VSTM4: variants seen among roughly 807,000 people sequenced by gnomAD.
VSTM4 encodes V-set and transmembrane domain containing 4, also known as V-set and transmembrane domain-containing protein 4.
Under a neutral mutation model 36.4 loss-of-function variants are expected in VSTM4, and 20 were observed. The ratio of observed to expected loss-of-function variants is 0.55; its 90% CI spans 0.39 to 0.80. The LOEUF (loss-of-function observed/expected upper bound fraction) is 0.80. Among genes scored for constraint, VSTM4 ranks in the 30% least tolerant of loss-of-function variants. The probability of loss-of-function intolerance (pLI) is 0.00; values close to 1 mark genes in which losing one functional copy is unlikely to be tolerated. For missense variants in VSTM4, 392 were observed against 404.5 expected (o/e 0.97, Z 0.26); for synonymous variants, 182 against 173.9 (o/e 1.05, Z -0.37).
chr10:49,113,412 A>G, intron 1 of VSTM4, among the ~76,000 whole-genome samples: 1 of 152,190 alleles, frequency 6.6e-6, no homozygotes, highest in Admixed American at 6.5e-5. Context: ...GATAGAGGCT[A>G]ATACCTGCCG....
intron 4 of VSTM4, among the ~76,000 whole-genome samples, chr10:49,070,643 T>C (rs533127368): frequency 3.3e-5 from 5 of 152,342 alleles, no homozygotes; most frequent in African/African-American, 4.8e-5. Context: ...GGAACCTTCA[T>C]TCCAATGTTA....
intron 7 of VSTM4, among the ~76,000 whole-genome samples, chr10:49,039,877 T>A (rs893397239): frequency 6.6e-6 from 1 of 152,236 alleles, no homozygotes; most frequent in African/African-American, 2.4e-5. Context: ...AATCAATAAC[T>A]GACAGAAAGC....
chr10:49,069,469 T>C (rs1289806944), intron 4 of VSTM4, among the ~76,000 whole-genome samples: 2 of 152,164 alleles, frequency 1.3e-5, no homozygotes, highest in African/African-American at 4.8e-5. Context: ...TCTCCCCATC[T>C]CCTGCAGCCC....
chr10:49,048,389 C>T (rs1843646385), intron 6 of VSTM4, 89 bp downstream of exon 6: 6 of 1,184,398 alleles, frequency 5.1e-6, no homozygotes, highest in South Asian at 4.8e-5. Context: ...TCTGCCTACG[C>T]TCCCTGTCAT....
At chr10:49,089,752 G>A (rs181331935) in intron 2 of VSTM4, among the ~76,000 whole-genome samples, 34 of 152,270 alleles carry the variant, frequency 2.2e-4, no homozygotes, top group African/African-American at 6.3e-4. Context: ...CCAGATCTTC[G>A]GGAATTTTCC....
intron 2 of VSTM4, among the ~76,000 whole-genome samples, chr10:49,092,632 G>A (rs991017159): frequency 1.3e-5 from 2 of 152,154 alleles, no homozygotes; most frequent in African/African-American, 4.8e-5. Context: ...GTGGTCCCTG[G>A]CTAGGGCTCC....
intron 4 of VSTM4, among the ~76,000 whole-genome samples, chr10:49,071,083 G>C (rs1043067845): frequency 1.3e-5 from 2 of 152,170 alleles, no homozygotes; most frequent in African/African-American, 4.8e-5. Context: ...GGGAGTCATG[G>C]GTGTTTAACA....
At chr10:49,085,858 G>A (rs2132000915) in intron 3 of VSTM4, 97 bp downstream of exon 3, 2 of 713,934 alleles carry the variant, frequency 2.8e-6, no homozygotes, top group Non-Finnish European at 4.5e-6. Flanking sequence ...CCTGCACGTT[G>A]TGCACATGTA....
chr10:49,110,880 G>A (rs536597979), intron 1 of VSTM4, among the ~76,000 whole-genome samples: 3 of 152,294 alleles, frequency 2.0e-5, no homozygotes, highest in South Asian at 2.1e-4. Context: ...TTATGACAGC[G>A]TAAGCACACT....
chr10:49,030,920 A>G (rs1188850332), intron 7 of VSTM4, among the ~76,000 whole-genome samples: 1 of 152,210 alleles, frequency 6.6e-6, no homozygotes, highest in Non-Finnish European at 1.5e-5. Context: ...GTTCTTGGGG[A>G]GAGTCCTAAT....
At chr10:49,103,727 C>T (rs780061359) in intron 2 of VSTM4, 2 of 1,610,946 alleles carry the variant, frequency 1.2e-6, no homozygotes, top group African/African-American at 1.3e-5. Context: ...GAAAGACAAG[C>T]AATTTTATCT....
intron 7 of VSTM4, among the ~76,000 whole-genome samples, chr10:49,025,491 C>CCA (rs1843246682): frequency 3.3e-5 from 5 of 152,284 alleles, no homozygotes; most frequent in South Asian, 2.1e-4. Context: ...CACCCTGCCC[C>CCA]CACACACACC....
chr10:49,095,569 CT>C (rs1216209656), intron 2 of VSTM4, among the ~76,000 whole-genome samples: 1 of 152,154 alleles, frequency 6.6e-6, no homozygotes, highest in South Asian at 2.1e-4. Context: ...TCTTGCAACA[CT>C]TTTGAGCAGG....
At chr10:49,064,826 G>GTGT in intron 4 of VSTM4, 90 bp from the exon 5 acceptor site, 1 of 1,426,468 alleles carries the variant, frequency 7.0e-7, no homozygotes, top group Non-Finnish European at 9.7e-7. Context: ...CGGGAGCCAG[G>GTGT]TGTTGTTCAG....
intron 7 of VSTM4, among the ~76,000 whole-genome samples, chr10:49,040,494 C>T (rs1054507519): frequency 2.6e-5 from 4 of 152,056 alleles, no homozygotes; most frequent in African/African-American, 7.2e-5. Context: ...CGATATTGGC[C>T]GGGCGAGTCT....
At chr10:49,071,168 G>C (rs777511513) in intron 4 of VSTM4, among the ~76,000 whole-genome samples, 12 of 152,212 alleles carry the variant, frequency 7.9e-5, no homozygotes, top group Non-Finnish European at 1.5e-4. Flanking sequence ...ACACTGATGA[G>C]TACAGAGAAA....
At chr10:49,066,561 T>C (rs748107724) in intron 4 of VSTM4, among the ~76,000 whole-genome samples, 6 of 152,174 alleles carry the variant, frequency 3.9e-5, no homozygotes, top group Non-Finnish European at 7.4e-5. Flanking sequence ...ATTGAAGTAT[T>C]TCAGAGCTAA....
chr10:49,066,778 CTAA>C (rs1843981135), intron 4 of VSTM4, among the ~76,000 whole-genome samples: 1 of 151,830 alleles, frequency 6.6e-6, no homozygotes. Context: ...TTGTGCAATA[CTAA>C]TAAGTCAATC....
At chr10:49,049,372 T>C (rs1490636927) in intron 5 of VSTM4, among the ~76,000 whole-genome samples, 3 of 152,146 alleles carry the variant, frequency 2.0e-5, no homozygotes, top group Admixed American at 2.0e-4. Flanking sequence ...AAGCAGCAAA[T>C]AGGAAAGCTG....
Sources: allele counts gnomAD v4.1 joint callset (sites outside exome capture counted in the v4.1 genomes callset), GRCh38; gene constraint gnomAD v4.1.1; transcripts MANE v1.5; gene names NCBI Gene and HGNC (gene_info 2026-07-23, HGNC 2026-07-21).